RASD2: variants seen among roughly 807,000 people sequenced by gnomAD.
RASD2 encodes the protein GTP-binding protein Rhes.
In RASD2, 7 loss-of-function variants were observed where a neutral mutation model predicts 15.8. That is an observed-to-expected ratio of 0.44 (90% CI 0.25 to 0.83). The LOEUF (loss-of-function observed/expected upper bound fraction) is 0.83, where lower values mean the gene tolerates loss of function less well. Ranked by LOEUF, RASD2 falls within the 40% of genes least tolerant of loss-of-function variation. The pLI, the probability that RASD2 is intolerant of heterozygous loss-of-function variation, is 0.20. For synonymous variants in RASD2, 155 were observed against 153.6 expected, an observed-to-expected ratio of 1.01 and a Z score of -0.07; for missense variants, 274 against 382.8, an observed-to-expected ratio of 0.72 and a Z score of 2.37.
At chr22:35,545,177 T>A (rs1407934302) in intron 1 of RASD2, among the ~76,000 whole-genome samples, 2 of 152,224 alleles carry the variant, frequency 1.3e-5, no homozygotes, top group African/African-American at 4.8e-5. Context: ...GCCGGTTTCC[T>A]GCACAGAGGC....
chr22:35,547,344 C>T lies in RASD2; in HGVS notation c.271+264C>T, dbSNP rs146484854. Among the ~76,000 whole-genome samples the T allele has an allele frequency of 8.9e-4, 136 of 152,348 alleles. 1 individual carries two copies. Among genetic ancestry groups the T allele is most frequent in the Non-Finnish European group, 1.7e-3 (114 of 68,024 alleles). ...AGATCAGGAGCTGATACCAGCATGCCCCAGGGATATTCCTTTCTAGGGAAC... is the reference window on the plus strand; with the variant it reads ...AGATCAGGAGCTGATACCAGCATGCTCCAGGGATATTCCTTTCTAGGGAAC... On this transcript the variant is annotated intron_variant, in intron 2 of 2. Transcript: ENST00000216127.
At chr22:35,547,789 T>C (rs1934550639) in intron 2 of RASD2, among the ~76,000 whole-genome samples, 1 of 152,200 alleles carries the variant, frequency 6.6e-6, no homozygotes, top group Non-Finnish European at 1.5e-5. Flanking sequence ...TAATTTTTTG[T>C]ATTTTTACTA....
upstream of RASD2, among the ~76,000 whole-genome samples, chr22:35,540,699 C>T (rs1021056933): frequency 1.3e-5 from 2 of 152,154 alleles, no homozygotes; most frequent in Non-Finnish European, 2.9e-5. Flanking sequence ...AGGGAGAACC[C>T]AGGGCCACAC....
At position 35,551,695 on chromosome 22, in the gene RASD2, A is replaced by C; in HGVS notation, c.464A>C (p.Glu155Ala). 6.2e-6 allele frequency: 10 copies of C among 1,613,806 alleles called. No homozygotes were observed. Among genetic ancestry groups the C allele is most frequent in the Non-Finnish European group, 7.6e-6 (9 of 1,179,780 alleles). The change falls in exon 3 of 3, where the codon GAG becomes GCG. Residue 155 changes from glutamate to alanine, a missense_variant. Physicochemically the swap from Glu to Ala is moderately radical, Grantham distance 107. Coordinates refer to ENST00000216127, the MANE Select transcript of RASD2 (RefSeq NM_014310.4). This position sits in a 1 kb window ranked among gnomAD's most constrained non-coding sequence, Gnocchi z 4.9. ...GELCRQVPTT[E>A]AELLVSGDEN... ...CTGTGCCGCCAGGTGCCCACCACCG[A>C]GGCCGAGCTGCTGGTGTCGGGCGAC...
At chr22:35,534,424 T>C in the RASD2 span, among the ~76,000 whole-genome samples, 71 of 152,368 alleles carry the variant, frequency 4.7e-4, no homozygotes, top group African/African-American at 1.6e-3. Context: ...CAAATGACTC[T>C]AATAATGCTT....
chr22:35,535,677 C>T, the RASD2 span, among the ~76,000 whole-genome samples: 1 of 152,174 alleles, frequency 6.6e-6, no homozygotes. Flanking sequence ...CCCTCAGGCA[C>T]AGGCTCCAGC....
upstream of RASD2, among the ~76,000 whole-genome samples, chr22:35,539,877 AGGT>A (rs1472073732): frequency 6.6e-6 from 1 of 152,188 alleles, no homozygotes; most frequent in Admixed American, 6.5e-5. Context: ...CCTCATTTAA[AGGT>A]GGGGAGGGAG....
At chr22:35,534,706 T>A in the RASD2 span, among the ~76,000 whole-genome samples, 1 of 152,230 alleles carries the variant, frequency 6.6e-6, no homozygotes, top group African/African-American at 2.4e-5. Flanking sequence ...TGTAGGTTGC[T>A]TACTGTGCAA....
At chr22:35,550,862 G>T (rs769934445) in intron 2 of RASD2, among the ~76,000 whole-genome samples, 2 of 152,194 alleles carry the variant, frequency 1.3e-5, no homozygotes, top group Non-Finnish European at 2.9e-5. Context: ...GGAATCAAGA[G>T]AACAACGGGC....
At chr22:35,536,527 C>A (rs1284101802), upstream of RASD2, among the ~76,000 whole-genome samples, 1 of 152,192 alleles carries the variant, frequency 6.6e-6, no homozygotes, top group South Asian at 2.1e-4. Flanking sequence ...GGGTTTCACC[C>A]CGTTAGCCAG....
chr22:35,545,018 G>C (rs1324854529), intron 1 of RASD2, among the ~76,000 whole-genome samples: 1 of 152,170 alleles, frequency 6.6e-6, no homozygotes, highest in African/African-American at 2.4e-5. Context: ...TCCAGGCCTG[G>C]GGTCCGCCGT....
chr22:35,542,677 GA>G (rs974180719), intron 1 of RASD2, among the ~76,000 whole-genome samples: 1 of 152,238 alleles, frequency 6.6e-6, no homozygotes, highest in Non-Finnish European at 1.5e-5. Context: ...GGGTGTGGAG[GA>G]GGGGCAGTGC....
At chr22:35,543,455 C>T (rs1295749083) in intron 1 of RASD2, among the ~76,000 whole-genome samples, 1 of 151,986 alleles carries the variant, frequency 6.6e-6, no homozygotes, top group African/African-American at 2.4e-5. Flanking sequence ...CCAAAGGGCT[C>T]TTCAAACTCA....
chr22:35,543,762 G>A (rs768824738), intron 1 of RASD2, among the ~76,000 whole-genome samples: 3 of 151,874 alleles, frequency 2.0e-5, no homozygotes, highest in Non-Finnish European at 4.4e-5. Flanking sequence ...CTGATTCCCT[G>A]TCTCTTATTT....
intron 1 of RASD2, among the ~76,000 whole-genome samples, chr22:35,545,515 G>T (rs1934476223): frequency 6.6e-6 from 1 of 152,196 alleles, no homozygotes; most frequent in Non-Finnish European, 1.5e-5. Context: ...TGCGCCTTGT[G>T]CAGTATCCAA....
upstream of RASD2, among the ~76,000 whole-genome samples, chr22:35,536,679 G>C (rs772065212): frequency 1.4e-4 from 21 of 152,130 alleles, no homozygotes; most frequent in Non-Finnish European, 2.9e-4. Context: ...CTATGGTATC[G>C]CCAACTTCAA....
intron 1 of RASD2, among the ~76,000 whole-genome samples, chr22:35,541,845 G>A (rs187861090): frequency 6.6e-6 from 1 of 152,214 alleles, no homozygotes; most frequent in African/African-American, 2.4e-5. Context: ...GGAAACGGGG[G>A]CTCAGGGAAG....
chr22:35,548,153 C>T (rs1364782494), intron 2 of RASD2, among the ~76,000 whole-genome samples: 1 of 152,160 alleles, frequency 6.6e-6, no homozygotes, highest in African/African-American at 2.4e-5. Flanking sequence ...GGGCTGTGCC[C>T]TTGTTTACAC....
At chr22:35,534,477 T>C in the RASD2 span, among the ~76,000 whole-genome samples, 6 of 152,208 alleles carry the variant, frequency 3.9e-5, no homozygotes, top group African/African-American at 1.4e-4. Flanking sequence ...GTCCATGTAA[T>C]TACAGGGATC....
Sources: allele counts gnomAD v4.1 joint callset (sites outside exome capture counted in the v4.1 genomes callset), GRCh38; gene constraint gnomAD v4.1.1; non-coding constraint Gnocchi (gnomAD v3.1); transcripts MANE v1.5; gene names NCBI Gene and HGNC (gene_info 2026-07-23, HGNC 2026-07-21).